Variants in AUH observed in about 807,000 individuals in gnomAD.
The protein encoded by AUH is AU RNA binding methylglutaconyl-CoA hydratase, also known as methylglutaconyl-CoA hydratase, mitochondrial.
Under a neutral mutation model 42.3 loss-of-function variants are expected in AUH, and 29 were observed. The observed-to-expected ratio is 0.69, with a 90% CI of 0.51 to 0.93. The LOEUF is 0.93. Among genes scored for constraint, AUH ranks in the 40% least tolerant of loss-of-function variants. AUH has a pLI of 0.00. For missense variants in AUH, 452 were observed against 438.1 expected (o/e 1.03, Z -0.28); for synonymous variants, 174 against 166.4 (o/e 1.05, Z -0.35).
intron 6 of AUH, among the ~76,000 whole-genome samples, chr9:91,252,217 G>A (rs139402517): frequency 0.1 from 15,501 of 151,844 alleles, 851 homozygotes; most frequent in African/African-American, 0.13. Context: ...TGCCTGCCTC[G>A]GCCTCCCAAA....
At chr9:91,324,978 A>G (rs1829869127) in intron 4 of AUH, among the ~76,000 whole-genome samples, 1 of 152,130 alleles carries the variant, frequency 6.6e-6, no homozygotes, top group Non-Finnish European at 1.5e-5. Flanking sequence ...TTAAAAAAGT[A>G]TGATCCTGTA....
At chr9:91,256,377 A>C (rs1829403727) in intron 6 of AUH, among the ~76,000 whole-genome samples, 1 of 152,130 alleles carries the variant, frequency 6.6e-6, no homozygotes, top group African/African-American at 2.4e-5. Flanking sequence ...CGAGAACCCC[A>C]GATTCTAAAG....
At chr9:91,320,384 T>A (rs1564097901) in intron 4 of AUH, among the ~76,000 whole-genome samples, 1 of 152,326 alleles carries the variant, frequency 6.6e-6, no homozygotes, top group South Asian at 2.1e-4. Flanking sequence ...GTATGCCCTG[T>A]GACAGTACCT....
intron 6 of AUH, among the ~76,000 whole-genome samples, chr9:91,222,419 TACAGA>T (rs1462510223): frequency 6.6e-6 from 1 of 152,218 alleles, no homozygotes; most frequent in African/African-American, 2.4e-5. Flanking sequence ...ATATTTTCAA[TACAGA>T]CTGTTTTCAA....
intron 4 of AUH, among the ~76,000 whole-genome samples, chr9:91,313,162 G>A (rs902689732): frequency 1.3e-5 from 2 of 152,084 alleles, no homozygotes; most frequent in East Asian, 1.9e-4. Context: ...AGGAAAAACC[G>A]GTCTGTTTTG....
intron 6 of AUH, among the ~76,000 whole-genome samples, chr9:91,266,826 T>A (rs1830001302): frequency 6.6e-6 from 1 of 152,166 alleles, no homozygotes; most frequent in South Asian, 2.1e-4. Flanking sequence ...CACAGGTAAC[T>A]TAGAGGTATG....
intron 3 of AUH, among the ~76,000 whole-genome samples, chr9:91,344,479 A>G (rs1205947541): frequency 5.3e-5 from 8 of 152,226 alleles, no homozygotes; most frequent in Non-Finnish European, 8.8e-5. Flanking sequence ...GGGGCTGGTC[A>G]CTCATATTTG....
intron 6 of AUH, among the ~76,000 whole-genome samples, chr9:91,290,239 G>T (rs1213110870): frequency 6.6e-6 from 1 of 152,056 alleles, no homozygotes; most frequent in African/African-American, 2.4e-5. Flanking sequence ...AACATAGTGA[G>T]ACCCTGCCTC....
At chr9:91,239,828 C>A (rs1160518439) in intron 6 of AUH, among the ~76,000 whole-genome samples, 4 of 152,116 alleles carry the variant, frequency 2.6e-5, no homozygotes, top group African/African-American at 7.2e-5. Flanking sequence ...CCCAGCAGAA[C>A]CTGCCTGAAG....
At chr9:91,294,595 C>T (rs1360448150) in intron 6 of AUH, 4 of 423,068 alleles carry the variant, frequency 9.5e-6, no homozygotes, top group Non-Finnish European at 1.9e-5. Context: ...CTATAGCTGC[C>T]ATAGACAGTG....
At chr9:91,324,082 T>A (rs919232150) in intron 4 of AUH, among the ~76,000 whole-genome samples, 2 of 152,110 alleles carry the variant, frequency 1.3e-5, no homozygotes, top group African/African-American at 4.8e-5. Flanking sequence ...GGAATCAAAT[T>A]AAGCACATTA....
chr9:91,287,013 ATG>A (rs907398095), intron 6 of AUH, among the ~76,000 whole-genome samples: 5 of 152,020 alleles, frequency 3.3e-5, no homozygotes, highest in African/African-American at 4.8e-5. Flanking sequence ...TCACTTCACA[ATG>A]TGTGTGTGTA....
In AUH at chr9:91,325,408, C is replaced by T. The variant is rs756608769; in HGVS notation, c.419-4G>A. On this transcript the variant is annotated splice_polypyrimidine_tract_variant and splice_region_variant and intron_variant, in intron 3 of 9. Coordinates refer to ENST00000375731, the MANE Select transcript of AUH (RefSeq NM_001698.3). ...GCTCTTTCCTTAAGGTCAGCACCTG[C>T]AAAGTATTTTATTTACAAATATAAT... The T allele has an allele frequency of 1.2e-6, 2 of 1,612,876 alleles. No individual in the cohort carries two copies. The highest frequency in any genetic ancestry group is 1.7e-6 in the Non-Finnish European group (2 of 1,179,136).
intron 6 of AUH, among the ~76,000 whole-genome samples, chr9:91,254,931 G>T (rs1336417414): frequency 6.6e-6 from 1 of 152,016 alleles, no homozygotes; most frequent in Non-Finnish European, 1.5e-5. Flanking sequence ...AAGAGACAAT[G>T]GAATAATTCC....
intron 3 of AUH, 150 bp downstream of exon 3, chr9:91,355,733 A>G (rs539290281): frequency 2.9e-6 from 2 of 695,942 alleles, no homozygotes; most frequent in South Asian, 1.7e-5. Flanking sequence ...CAGACTAAGC[A>G]TGTTTTTTTC....
chr9:91,340,835 C>T (rs927986002), intron 3 of AUH, among the ~76,000 whole-genome samples: 1 of 152,166 alleles, frequency 6.6e-6, no homozygotes, highest in Non-Finnish European at 1.5e-5. Context: ...AAAAAACAGC[C>T]TGCAGGCCAG....
chr9:91,324,175 T>C (rs1829798335), intron 4 of AUH, among the ~76,000 whole-genome samples: 1 of 152,026 alleles, frequency 6.6e-6, no homozygotes, highest in Non-Finnish European at 1.5e-5. Context: ...AATAATCCTA[T>C]AAAAGGAGGA....
chr9:91,226,913 C>A (rs1321270498), intron 6 of AUH, among the ~76,000 whole-genome samples: 2 of 138,980 alleles, frequency 1.4e-5, no homozygotes, highest in Non-Finnish European at 3.1e-5. Context: ...TGATCTATAT[C>A]TCTGTTTTGG....
rs986170366 is a variant in AUH, at chr9:91,284,615, G to A, written c.655+11406C>T. Among the ~76,000 whole-genome samples, 25 of 151,752 alleles carry A rather than the reference G, an allele frequency of 1.6e-4. 1 individual carries two copies. The highest frequency in any genetic ancestry group is 1.3e-4 in the Non-Finnish European group (9 of 67,820). ...CTACAATGAACTCAAATAAACTTACGAGAAAAAAAACAAACAACCTCATCA... is the reference window on the plus strand; with the variant it reads ...CTACAATGAACTCAAATAAACTTACAAGAAAAAAAACAAACAACCTCATCA... On this transcript the variant is annotated intron_variant, in intron 6 of 9. Transcript: ENST00000375731.
Sources: gnomAD v4.1 joint callset for allele counts (sites outside exome capture counted in the v4.1 genomes callset) on GRCh38, gnomAD v4.1.1 for gene constraint, MANE v1.5 for transcripts, NCBI Gene and HGNC (gene_info 2026-07-23, HGNC 2026-07-21) for gene names.